Variants in GRAMD4 observed in about 807,000 individuals in gnomAD.
The protein encoded by GRAMD4 is GRAM domain-containing protein 4.
GRAMD4 carries 25 observed loss-of-function variants against 83.9 expected under a neutral mutation model. The ratio of observed to expected loss-of-function variants is 0.30; its 90% CI spans 0.22 to 0.42. The LOEUF (loss-of-function observed/expected upper bound fraction) is 0.42, where lower values mean the gene tolerates loss of function less well. GRAMD4 is among the 10% of genes least tolerant of loss of function. GRAMD4 has a pLI of 1.00. For missense variants in GRAMD4, 593 were observed against 788.7 expected (o/e 0.75, Z 2.97); for synonymous variants, 336 against 320.9 (o/e 1.05, Z -0.50).
Position 46,677,753 on chromosome 22 carries a change from G to A in GRAMD4, c.*502G>A, listed in dbSNP as rs2082620421. On this transcript the variant is annotated 3_prime_UTR_variant, in exon 19 of 19. Coordinates refer to ENST00000406902, the MANE Select transcript of GRAMD4 (RefSeq NM_015124.5). The stretch of plus-strand genomic sequence containing the variant: ...ACATGGGGGCCTTTCACCAACCACC[G>A]AGAAACGGGCCTGGCGGCCCTCCTT... 8 of 986,020 alleles carry A rather than the reference G, an allele frequency of 8.1e-6. No homozygotes were observed. Among genetic ancestry groups the A allele is most frequent in the Non-Finnish European group, 9.6e-6 (8 of 830,324 alleles). 61.1% of individuals were successfully genotyped at this position (986,020 alleles called of 1,614,324 possible).
upstream of GRAMD4, among the ~76,000 whole-genome samples, chr22:46,618,086 AC>A (rs1399750264): frequency 1.3e-5 from 2 of 150,318 alleles, no homozygotes; most frequent in Admixed American, 6.6e-5. The surrounding 1 kb of genome is among the most constrained non-coding windows in gnomAD (Gnocchi z 5.8). Context: ...GCTGGCGGGG[AC>A]CCCCCAGCCG....
At chr22:46,598,185 T>A (rs1482735342) in intron 1 of GRAMD4, among the ~76,000 whole-genome samples, 1 of 152,062 alleles carries the variant, frequency 6.6e-6, no homozygotes, top group Non-Finnish European at 1.5e-5. Context: ...TTTCTCCATG[T>A]TGGCCAGGCT....
rs571682277 is a variant in GRAMD4 at position 46,579,827 on chromosome 22, C to T, written c.-50+2537C>T. On this transcript the variant is annotated intron_variant, in intron 1 of 1. Coordinates refer to the GRAMD4 transcript ENST00000431155. ...CTCATTTTAGGAGGCTGCCCCATCT[C>T]GGGGAGCTGGGGAGGCGTCCCTGTA... 6.6e-5 allele frequency among the ~76,000 whole-genome samples: 10 copies of T among 152,288 alleles called. No homozygotes were observed. In the South Asian group the frequency reaches 8.3e-4, roughly 13 times the overall value.
At chr22:46,580,539 C>T (rs1228406318) in intron 1 of GRAMD4, among the ~76,000 whole-genome samples, 1 of 152,208 alleles carries the variant, frequency 6.6e-6, no homozygotes, top group African/African-American at 2.4e-5. Context: ...AGGCCTAACC[C>T]AGCCCAGCGG....
chr22:46,633,362 C>T (rs1014952752), intron 2 of GRAMD4, among the ~76,000 whole-genome samples: 1 of 152,216 alleles, frequency 6.6e-6, no homozygotes, highest in African/African-American at 2.4e-5. Context: ...GGCTCCCTCT[C>T]CTGCCCTCCC....
chr22:46,604,300 G>C (rs1294813244), intron 1 of GRAMD4, among the ~76,000 whole-genome samples: 1 of 152,066 alleles, frequency 6.6e-6, no homozygotes, highest in Non-Finnish European at 1.5e-5. Context: ...TCTAAAATCT[G>C]TTGTTTTTCT....
rs138012613 is a variant in GRAMD4 at position 46,662,103 on chromosome 22, C to G, written c.466+661C>G. 4.6e-5 allele frequency among the ~76,000 whole-genome samples: 7 copies of G among 152,368 alleles called. No individual in the cohort carries two copies. In the East Asian group the frequency reaches 1.3e-3, roughly 29 times the overall value. On this transcript the variant is annotated intron_variant, in intron 5 of 18. Coordinates refer to ENST00000406902, the MANE Select transcript of GRAMD4 (RefSeq NM_015124.5). ...ATGGGAACACAGCCGGGCCGGTTCA[C>G]TTACGGCTGGGACGAGTGTGCCGAT...
chr22:46,627,100 C>G (rs1164523397), intron 2 of GRAMD4, 139 bp downstream of exon 2: 2 of 644,974 alleles, frequency 3.1e-6, no homozygotes, highest in Non-Finnish European at 5.5e-6. Context: ...CTCTGTCTCA[C>G]CTGCTCCCGA....
At chr22:46,657,129 TG>T (rs1214582606) in intron 3 of GRAMD4, among the ~76,000 whole-genome samples, 1 of 152,172 alleles carries the variant, frequency 6.6e-6, no homozygotes, top group African/African-American at 2.4e-5. Flanking sequence ...AGGGTTGGGC[TG>T]GGCAGGGGAC....
intron 13 of GRAMD4, among the ~76,000 whole-genome samples, chr22:46,669,578 T>G (rs1435962061): frequency 6.8e-6 from 1 of 147,512 alleles, no homozygotes; most frequent in African/African-American, 2.5e-5. Context: ...TCTCTCTCTC[T>G]CTTTTTTTTT....
At chr22:46,629,951 G>T (rs180985240) in intron 2 of GRAMD4, among the ~76,000 whole-genome samples, 2 of 152,112 alleles carry the variant, frequency 1.3e-5, no homozygotes, top group African/African-American at 2.4e-5. Flanking sequence ...TCCATGCTGC[G>T]GTGTGCATTG....
intron 1 of GRAMD4, among the ~76,000 whole-genome samples, chr22:46,594,522 T>TG (rs997504341): frequency 1.7e-5 from 2 of 117,054 alleles, no homozygotes; most frequent in African/African-American, 7.0e-5. Flanking sequence ...CCTGGCCCTC[T>TG]GGGGGGCCCT....
intron 1 of GRAMD4, among the ~76,000 whole-genome samples, chr22:46,607,219 C>T (rs138537): frequency 0.76 from 115,709 of 151,356 alleles, 45,774 homozygotes; most frequent in East Asian, 1. Flanking sequence ...GGGGGTCATA[C>T]AGCATTAGGA....
At chr22:46,634,945 CA>C (rs879672333) in intron 2 of GRAMD4, among the ~76,000 whole-genome samples, 3,723 of 128,114 alleles carry the variant, frequency 0.029, 138 homozygotes, top group African/African-American at 0.092. Context: ...TTCACCATCT[CA>C]AAAAAAAAAA....
Position 46,655,284 on chromosome 22 carries a change from G to A in GRAMD4, c.284-2903G>A, listed in dbSNP as rs546814846. Among the ~76,000 whole-genome samples, 3 of 152,102 alleles carry A rather than the reference G, an allele frequency of 2.0e-5. No individual in the cohort carries two copies. In the South Asian group the frequency reaches 6.2e-4, roughly 32 times the overall value. ...TGAGGCTGGGAGTGGGTGGGTGGGG[G>A]CCTCGGGAGGGAGCTTCAAGCTGGG... On this transcript the variant is annotated intron_variant, in intron 3 of 18. Transcript: ENST00000406902.
intron 2 of GRAMD4, among the ~76,000 whole-genome samples, chr22:46,629,356 C>T (rs1262923302): frequency 6.6e-6 from 1 of 152,182 alleles, no homozygotes; most frequent in African/African-American, 2.4e-5. Context: ...TGGCGTCTTG[C>T]TTATGGTTAG....
intron 8 of GRAMD4, among the ~76,000 whole-genome samples, chr22:46,664,634 C>G (rs921866332): frequency 2.0e-5 from 3 of 152,232 alleles, no homozygotes; most frequent in African/African-American, 7.2e-5. Flanking sequence ...AGCGGCTGCC[C>G]CAGCGGGACA....
chr22:46,625,655 G>A (rs781467305), intron 1 of GRAMD4, among the ~76,000 whole-genome samples: 7 of 152,276 alleles, frequency 4.6e-5, no homozygotes, highest in Non-Finnish European at 8.8e-5. Context: ...GGACCCAGTT[G>A]TCTTGGACAA....
chr22:46,625,737 C>A (rs2081648063), intron 1 of GRAMD4, among the ~76,000 whole-genome samples: 2 of 152,200 alleles, frequency 1.3e-5, no homozygotes, highest in South Asian at 4.1e-4. Flanking sequence ...TGGGTGGCCT[C>A]TCCCTGCCTG....
Sources: allele counts gnomAD v4.1 joint callset (sites outside exome capture counted in the v4.1 genomes callset), GRCh38; gene constraint gnomAD v4.1.1; non-coding constraint Gnocchi (gnomAD v3.1); transcripts MANE v1.5; gene names NCBI Gene and HGNC (gene_info 2026-07-23, HGNC 2026-07-21).